The following CPOX variants were observed in gnomAD, a reference collection of about 807,000 sequenced individuals.
CPOX encodes the protein coproporphyrinogen oxidase.
CPOX carries 24 observed loss-of-function variants against 48.9 expected under a neutral mutation model. The observed-to-expected ratio is 0.49, with a 90% CI of 0.36 to 0.69. The LOEUF (loss-of-function observed/expected upper bound fraction) is 0.69, where lower values mean the gene tolerates loss of function less well. CPOX is among the 30% of genes least tolerant of loss of function. The probability of loss-of-function intolerance (pLI) is 0.00; values close to 1 mark genes in which losing one functional copy is unlikely to be tolerated. For missense variants in CPOX, 549 were observed against 597.3 expected (o/e 0.92, Z 0.84); for synonymous variants, 249 against 234.6 (o/e 1.06, Z -0.56).
chr3:98,572,536 G>C, the CPOX span, among the ~76,000 whole-genome samples: 1 of 152,038 alleles, frequency 6.6e-6, no homozygotes, highest in South Asian at 2.1e-4. Flanking sequence ...GGGTATGTTT[G>C]CTATAGCTTT....
Position 98,590,632 on chromosome 3 carries a change from C to T in CPOX, c.811G>A (p.Gly271Ser). The T allele has an allele frequency of 1.3e-6, 2 of 1,599,512 alleles. No individual in the cohort carries two copies. The highest frequency in any genetic ancestry group is 1.7e-6 in the Non-Finnish European group (2 of 1,166,732). ...TTTCCGTAGCTCCTGAGACCCTTAC[C>T]ATCAGCTTCTTCTACTTCAAAGTAT... ...YRYFEVEEAD[G>S]NKQWWFGGGC... The change falls in exon 3 of 7, where the codon GGC becomes AGC. Residue 271 changes from glycine (G) to serine (S), a missense_variant and splice_region_variant. Around this residue, in one of 2 missense-constraint regions of CPOX, gnomAD observed 213 missense variants for 279.1 expected, o/e 0.76. Coordinates refer to ENST00000647941, the MANE Select transcript of CPOX (RefSeq NM_000097.7).
At chr3:98,582,362 T>C (rs567220875) in intron 5 of CPOX, among the ~76,000 whole-genome samples, 12 of 152,342 alleles carry the variant, frequency 7.9e-5, no homozygotes, top group African/African-American at 2.9e-4. Context: ...TTTCAGATCA[T>C]TTCTTATCTT....
intron 1 of CPOX, among the ~76,000 whole-genome samples, chr3:98,592,077 AG>A (rs1707491514): frequency 6.6e-6 from 1 of 152,128 alleles, no homozygotes; most frequent in African/African-American, 2.4e-5. Flanking sequence ...GCCATAAAAA[AG>A]TAACTTCTGA....
At chr3:98,588,977 T>A (rs777386286) in intron 3 of CPOX, 123 bp from the exon 4 acceptor site, 31 of 1,114,248 alleles carry the variant, frequency 2.8e-5, no homozygotes, top group South Asian at 1.1e-4. Context: ...ATAAAAAAAA[T>A]TTTAACTGAT....
intron 6 of CPOX, 94 bp from the exon 7 acceptor site, chr3:98,580,864 A>AAAAAAATCCTAAG (rs1707246169): frequency 9.3e-6 from 2 of 213,990 alleles, no homozygotes; most frequent in African/African-American, 5.0e-5. Flanking sequence ...TCCTAAGAAT[A>AAAAAAATCCTAAG]AAAAAAAAAA....
chr3:98,582,823 G>A (rs1014946196), intron 5 of CPOX, among the ~76,000 whole-genome samples: 1 of 152,100 alleles, frequency 6.6e-6, no homozygotes, highest in Non-Finnish European at 1.5e-5. Context: ...AGCACCTTTT[G>A]TATGTGGAAC....
intron 5 of CPOX, among the ~76,000 whole-genome samples, chr3:98,582,658 AT>A (rs1382386326): frequency 6.6e-6 from 1 of 151,958 alleles, no homozygotes; most frequent in Admixed American, 6.6e-5. Context: ...TGACTGGCTA[AT>A]TTTTTGTATT....
At chr3:98,574,574 T>C (rs983812320), downstream of CPOX, among the ~76,000 whole-genome samples, 1 of 152,170 alleles carries the variant, frequency 6.6e-6, no homozygotes, top group African/African-American at 2.4e-5. Context: ...TGTATTAAGG[T>C]AGTTTTTTGG....
intron 3 of CPOX, among the ~76,000 whole-genome samples, chr3:98,590,295 G>T (rs551736905): frequency 6.6e-6 from 1 of 152,232 alleles, no homozygotes; most frequent in Non-Finnish European, 1.5e-5. Flanking sequence ...CTACAGGTGC[G>T]TGCCAGCACG....
At chr3:98,579,245 T>C (rs370540519), downstream of CPOX, among the ~76,000 whole-genome samples, 2 of 152,218 alleles carry the variant, frequency 1.3e-5, no homozygotes, top group East Asian at 3.8e-4. Flanking sequence ...GAATTGACTA[T>C]GTTATTGGTC....
At chr3:98,583,565 G>T (rs1321798035) in intron 5 of CPOX, among the ~76,000 whole-genome samples, 1 of 152,110 alleles carries the variant, frequency 6.6e-6, no homozygotes, top group African/African-American at 2.4e-5. Context: ...CAACGAACAA[G>T]TAAGTTAAAA....
intron 4 of CPOX, among the ~76,000 whole-genome samples, chr3:98,587,724 G>A (rs895904469): frequency 1.3e-5 from 2 of 151,704 alleles, no homozygotes; most frequent in Non-Finnish European, 2.9e-5. Context: ...ATGAGTTTTG[G>A]AGGGAACAAA....
At chr3:98,581,757 G>A (rs1240361718) in intron 5 of CPOX, among the ~76,000 whole-genome samples, 1 of 152,156 alleles carries the variant, frequency 6.6e-6, no homozygotes, top group Non-Finnish European at 1.5e-5. Flanking sequence ...CACAATACAA[G>A]GTTATGTTTT....
At position 98,579,755 on chromosome 3, in the gene CPOX, ACG is replaced by A; in HGVS notation, c.*926_*927del. The stretch of plus-strand genomic sequence containing the variant: ...TTCAATGTGTCCATTTTCCTAAGAA[ACG>A]TGTGTATGAAATGCCTCCAAGTTTC... On this transcript the variant is annotated 3_prime_UTR_variant, in exon 7 of 7. Transcript: ENST00000647941. The A allele has an allele frequency of 1.0e-6, 1 of 985,356 alleles. No individual in the cohort carries two copies. 61.0% of individuals were successfully genotyped at this position (985,356 alleles called of 1,614,324 possible).
At chr3:98,584,131 T>C (rs1707313194) in intron 5 of CPOX, among the ~76,000 whole-genome samples, 1 of 152,214 alleles carries the variant, frequency 6.6e-6, no homozygotes, top group South Asian at 2.1e-4. Flanking sequence ...TTCACCTAAT[T>C]AGTATTGACA....
rs914831759 is a variant in CPOX, at chr3:98,592,957, C to T, written c.548G>A (p.Arg183Lys). 2 of 1,612,834 alleles carry T rather than the reference C, an allele frequency of 1.2e-6. No individual in the cohort carries two copies. The highest frequency in any genetic ancestry group is 1.7e-6 in the Non-Finnish European group (2 of 1,179,552). ...GANFSVDRWE[R>K]KEGGGGISCV... ...GGGGCCGGCCTCCTTACCTTCCTTC[C>T]TCTCCCACCGGTCCACAGAAAAGTT... Residue 183 changes from arginine (R) to lysine (K), a missense_variant, in exon 1 of 7, where the codon AGG becomes AAG. Around this residue, in one of 2 missense-constraint regions of CPOX, gnomAD observed 336 missense variants for 318.1 expected, o/e 1.06. Coordinates refer to ENST00000647941, the MANE Select transcript of CPOX (RefSeq NM_000097.7).
intron 1 of CPOX, among the ~76,000 whole-genome samples, chr3:98,592,158 T>C (rs1049012781): frequency 6.6e-6 from 1 of 152,080 alleles, no homozygotes; most frequent in Admixed American, 6.6e-5. Flanking sequence ...AAACATAAGA[T>C]GGAAAACTAG....
At position 98,593,094 on chromosome 3, in the gene CPOX, G is replaced by C. The variant is rs767539748; in HGVS notation, c.411C>G (p.Asp137Glu). 6.2e-7 allele frequency: 1 copy of C among 1,613,762 alleles called. No individual in the cohort carries two copies. Among genetic ancestry groups the C allele is most frequent in the African/African-American group, 1.3e-5 (1 of 74,922 alleles). Residue 137 changes from aspartate (D) to glutamate (E), a missense_variant, in exon 1 of 7, where the codon GAC becomes GAG. This residue lies in a region of CPOX where 336 missense variants were observed against 318.1 expected (regional missense o/e 1.06). Transcript: ENST00000647941. ...CCGGCCTCCTTCGCAGCTCGCCCAG[G>C]TCGGTCACAGGCGGGGCCATGAAGC... ...CSSFMAPPVTDLGELRRRPGD... is the reference protein window; with the variant it reads ...CSSFMAPPVTELGELRRRPGD...
At chr3:98,573,457 CCT>C in the CPOX span, among the ~76,000 whole-genome samples, 10 of 152,144 alleles carry the variant, frequency 6.6e-5, no homozygotes, top group African/African-American at 1.9e-4. Flanking sequence ...CTTTGCCTCT[CCT>C]CTTTTTCTGT....
Sources: gnomAD v4.1 joint callset for allele counts (sites outside exome capture counted in the v4.1 genomes callset) on GRCh38, gnomAD v4.1.1 for gene constraint, gnomAD v4.1.1 regional missense constraint, MANE v1.5 for transcripts, NCBI Gene and HGNC (gene_info 2026-07-23, HGNC 2026-07-21) for gene names.